The following EPHA7 variants were observed in gnomAD, a reference collection of about 807,000 sequenced individuals.
EPHA7 encodes EPH receptor A7, also known as ephrin type-A receptor 7.
A neutral mutation model predicts 112.6 loss-of-function variants in EPHA7; 25 were observed. That is an observed-to-expected ratio of 0.22 (90% CI 0.16 to 0.31). The LOEUF is 0.31. Ranked by LOEUF, EPHA7 falls within the 10% of genes least tolerant of loss-of-function variation. The pLI is 1.00. For missense variants in EPHA7, 962 were observed against 1,212.6 expected (o/e 0.79, Z 3.07); for synonymous variants, 437 against 406.5 (o/e 1.07, Z -0.90).
rs1422924706 is a variant in EPHA7, at chr6:93,243,421, G to C, written c.*5C>G. On this transcript the variant is annotated 3_prime_UTR_variant, in exon 17 of 17. Transcript: ENST00000369303. ...GTAATCTCCCTTAAAAGGGAGAAAT[G>C]CATATCACACTTGAATGCCAGTTCC... 2.5e-6 allele frequency: 4 copies of C among 1,599,234 alleles called. No individual in the cohort carries two copies. Among genetic ancestry groups the C allele is most frequent in the Non-Finnish European group, 2.6e-6 (3 of 1,167,046 alleles).
chr6:93,290,035 G>A (rs1269203399), intron 5 of EPHA7, among the ~76,000 whole-genome samples: 2 of 151,978 alleles, frequency 1.3e-5, no homozygotes, highest in African/African-American at 2.4e-5. Flanking sequence ...AATATTTATT[G>A]TAATTTTCCA....
chr6:93,382,662 T>G (rs1777396163), intron 3 of EPHA7, among the ~76,000 whole-genome samples: 1 of 152,204 alleles, frequency 6.6e-6, no homozygotes, highest in South Asian at 2.1e-4. Context: ...GTCCCCGGTT[T>G]ACTGAACGAG....
At chr6:93,413,730 T>C (rs576796367) in intron 2 of EPHA7, among the ~76,000 whole-genome samples, 1 of 151,922 alleles carries the variant, frequency 6.6e-6, no homozygotes, top group Non-Finnish European at 1.5e-5. Context: ...CTAAATATCT[T>C]AAACAGATTT....
At chr6:93,290,489 C>G (rs1226272070) in intron 5 of EPHA7, among the ~76,000 whole-genome samples, 1 of 152,138 alleles carries the variant, frequency 6.6e-6, no homozygotes, top group African/African-American at 2.4e-5. Context: ...TTCTTCAACT[C>G]TTAGCAATTT....
At chr6:93,257,413 G>T in intron 12 of EPHA7, 49 bp downstream of exon 12, 1 of 1,369,044 alleles carries the variant, frequency 7.3e-7, no homozygotes, top group Non-Finnish European at 1.0e-6. Context: ...AAATTATATT[G>T]GTAGCAAGCA....
intron 7 of EPHA7, 48 bp from the exon 8 acceptor site, chr6:93,264,750 A>T (rs535644774): frequency 1.8e-6 from 2 of 1,116,912 alleles, no homozygotes; most frequent in African/African-American, 1.6e-5. Flanking sequence ...CCATGCAAGA[A>T]CTTGAAAGGT....
At chr6:93,340,955 A>C (rs2127920148) in intron 5 of EPHA7, among the ~76,000 whole-genome samples, 1 of 152,088 alleles carries the variant, frequency 6.6e-6, no homozygotes, top group South Asian at 2.1e-4. Context: ...GAGAGAACTC[A>C]GGGCAAGAGG....
chr6:93,304,559 T>C (rs1489016247), intron 5 of EPHA7, among the ~76,000 whole-genome samples: 2 of 152,070 alleles, frequency 1.3e-5, no homozygotes, highest in Non-Finnish European at 2.9e-5. Context: ...AAGGAGCATA[T>C]AATCAGGTTA....
At chr6:93,341,835 A>G (rs1256252134) in intron 5 of EPHA7, among the ~76,000 whole-genome samples, 1 of 151,898 alleles carries the variant, frequency 6.6e-6, no homozygotes, top group Non-Finnish European at 1.5e-5. Context: ...TTTCATGATT[A>G]TAATAATCTA....
chr6:93,299,428 T>A (rs1387327451), intron 5 of EPHA7, among the ~76,000 whole-genome samples: 1 of 151,228 alleles, frequency 6.6e-6, no homozygotes, highest in Admixed American at 6.6e-5. Flanking sequence ...AAAACTACAA[T>A]GAGATACCAT....
intron 5 of EPHA7, among the ~76,000 whole-genome samples, chr6:93,340,066 A>G (rs1183586377): frequency 6.6e-6 from 1 of 151,830 alleles, no homozygotes. Flanking sequence ...AATAAGCCAC[A>G]AACTCTTTGT....
chr6:93,395,485 A>G (rs1778122057), intron 3 of EPHA7, among the ~76,000 whole-genome samples: 1 of 151,640 alleles, frequency 6.6e-6, no homozygotes, highest in Admixed American at 6.6e-5. Context: ...AAATAATACA[A>G]ACTTAAATTT....
At chr6:93,385,048 T>C (rs1226901313) in intron 3 of EPHA7, among the ~76,000 whole-genome samples, 2 of 152,182 alleles carry the variant, frequency 1.3e-5, no homozygotes, top group Admixed American at 1.3e-4. Flanking sequence ...CTTCCTTTTA[T>C]TAGCTATGTA....
At chr6:93,387,859 G>T (rs114509106) in intron 3 of EPHA7, among the ~76,000 whole-genome samples, 137 of 151,868 alleles carry the variant, frequency 9.0e-4, no homozygotes, top group Admixed American at 2.5e-3. Context: ...CCCAATACCG[G>T]TGGATTACAA....
At chr6:93,286,351 A>G (rs1337005269) in intron 5 of EPHA7, among the ~76,000 whole-genome samples, 1 of 152,214 alleles carries the variant, frequency 6.6e-6, no homozygotes, top group East Asian at 1.9e-4. Flanking sequence ...CACCTGAATT[A>G]GGAAAGCCAA....
intron 5 of EPHA7, among the ~76,000 whole-genome samples, chr6:93,295,506 T>C (rs1049960906): frequency 9.2e-5 from 14 of 151,420 alleles, no homozygotes; most frequent in African/African-American, 3.4e-4. Flanking sequence ...TATTTCTTTA[T>C]CTAATTATAC....
intron 14 of EPHA7, among the ~76,000 whole-genome samples, chr6:93,252,383 A>G (rs1395904112): frequency 6.6e-6 from 1 of 151,772 alleles, no homozygotes; most frequent in Non-Finnish European, 1.5e-5. Context: ...ATCTAGGCTA[A>G]TTAAAAGACA....
At chr6:93,331,402 G>A (rs1203529243) in intron 5 of EPHA7, among the ~76,000 whole-genome samples, 1 of 149,966 alleles carries the variant, frequency 6.7e-6, no homozygotes, top group Non-Finnish European at 1.5e-5. Context: ...TGCAACTCCT[G>A]AATACATGCC....
intron 5 of EPHA7, among the ~76,000 whole-genome samples, chr6:93,341,997 C>T (rs1341956265): frequency 3.3e-5 from 5 of 151,884 alleles, no homozygotes; most frequent in African/African-American, 1.2e-4. Flanking sequence ...AGGCCCAAGA[C>T]CCACTCAAGC....
Sources: gnomAD v4.1 joint callset for allele counts (sites outside exome capture counted in the v4.1 genomes callset) on GRCh38, gnomAD v4.1.1 for gene constraint, MANE v1.5 for transcripts, NCBI Gene and HGNC (gene_info 2026-07-23, HGNC 2026-07-21) for gene names.